The following RASL12 variants were observed in gnomAD, a reference collection of about 807,000 sequenced individuals.
RASL12 encodes RAS like family 12, also known as ras-like protein family member 12.
A neutral mutation model predicts 22.9 loss-of-function variants in RASL12; 16 were observed. That is an observed-to-expected ratio of 0.70 (90% CI 0.47 to 1.06). The LOEUF (loss-of-function observed/expected upper bound fraction) is 1.06, where lower values mean the gene tolerates loss of function less well. RASL12 is among the 50% of genes least tolerant of loss of function. RASL12 has a pLI of 0.00. For synonymous variants in RASL12, 159 were observed against 152.2 expected, an observed-to-expected ratio of 1.04 and a Z score of -0.33; for missense variants, 306 against 353.1, an observed-to-expected ratio of 0.87 and a Z score of 1.07.
chr15:65,046,744 C>T, the RASL12 span, among the ~76,000 whole-genome samples: 24 of 152,148 alleles, frequency 1.6e-4, no homozygotes, highest in African/African-American at 5.5e-4. Context: ...GAAACCCCAT[C>T]GCTACAAAAA....
chr15:65,062,140 A>T (rs1055083335), intron 2 of RASL12, among the ~76,000 whole-genome samples: 5 of 151,808 alleles, frequency 3.3e-5, no homozygotes, highest in Non-Finnish European at 7.4e-5. Context: ...AGAAGCTGAC[A>T]TTCTTCCCTG....
chr15:65,050,465 G>T (rs751626976), downstream of RASL12, among the ~76,000 whole-genome samples: 1 of 152,230 alleles, frequency 6.6e-6, no homozygotes, highest in Non-Finnish European at 1.5e-5. Context: ...CGCATAGTGC[G>T]TTGGTGATGA....
downstream of RASL12, chr15:65,052,963 C>A (rs776952059): frequency 4.4e-5 from 70 of 1,607,458 alleles, no homozygotes; most frequent in East Asian, 4.5e-4. Context: ...CCTGTCCCCC[C>A]AGAAAAGAAA....
downstream of RASL12, chr15:65,051,724 C>A: frequency 3.6e-6 from 3 of 822,426 alleles, no homozygotes; most frequent in Non-Finnish European, 5.9e-6. Flanking sequence ...TTTGGGACAG[C>A]AAAATTCAGC....
Position 65,058,436 on chromosome 15 carries a change from G to C in RASL12, c.416C>G (p.Ala139Gly), listed in dbSNP as rs922961269. ...AGCAGGCTGTGCTCACCTGTACTGA[G>C]CCATGTCCAGCTTGTTGCCCAGCAG... Reference protein sequence around the residue: ...ALLLGNKLDMAQYRQVTKAEG... With the variant: ...ALLLGNKLDMGQYRQVTKAEG... The change falls in exon 4 of 5, where the codon GCT (alanine) becomes GGT (glycine). Residue 139 changes from alanine (A) to glycine (G), a missense_variant. Physicochemically the swap from Ala to Gly is moderately conservative, Grantham distance 60. Transcript: ENST00000220062. The C allele has an allele frequency of 6.4e-7, 1 of 1,562,656 alleles. No individual in the cohort carries two copies. The highest frequency in any genetic ancestry group is 2.3e-5 in the East Asian group (1 of 43,720).
downstream of RASL12, chr15:65,051,400 C>A (rs1186803262): frequency 2.1e-6 from 2 of 935,940 alleles, no homozygotes; most frequent in African/African-American, 3.3e-5. Context: ...TTAGGGTCTC[C>A]ACGCAAAGGA....
chr15:65,072,512 C>A (rs971075030), upstream of RASL12, among the ~76,000 whole-genome samples: 1 of 152,214 alleles, frequency 6.6e-6, no homozygotes, highest in East Asian at 1.9e-4. Context: ...AGAAGGCCTG[C>A]AGGTAAGGAT....
intron 2 of RASL12, among the ~76,000 whole-genome samples, chr15:65,061,655 T>G (rs1291797724): frequency 6.6e-6 from 1 of 152,162 alleles, no homozygotes; most frequent in Non-Finnish European, 1.5e-5. Flanking sequence ...TTCCCAAAGT[T>G]TTGAATTTGC....
chr15:65,074,511 A>G (rs1218335173), intron 1 of RASL12, among the ~76,000 whole-genome samples: 1 of 151,878 alleles, frequency 6.6e-6, no homozygotes, highest in Admixed American at 6.6e-5. Flanking sequence ...CTCGTGCCTC[A>G]GCCTCATAAA....
chr15:65,074,504 G>A lies in RASL12; in HGVS notation c.70+2025C>T, dbSNP rs1302523240. Among the ~76,000 whole-genome samples the A allele has an allele frequency of 2.6e-5, 4 of 151,778 alleles. No homozygotes were observed. The East Asian group carries it at 5.8e-4, about 22-fold the overall frequency. On this transcript the variant is annotated intron_variant, in intron 1 of 4. Coordinates refer to the RASL12 transcript ENST00000434605. Reference sequence around the variant, plus strand: ...AGCCTCCCGAGTTCAAGCTGTTCTCGTGCCTCAGCCTCATAAAGTAGCTGG... The same window carrying A: ...AGCCTCCCGAGTTCAAGCTGTTCTCATGCCTCAGCCTCATAAAGTAGCTGG...
intron 4 of RASL12, among the ~76,000 whole-genome samples, chr15:65,057,414 G>A (rs1228893584): frequency 6.6e-6 from 1 of 152,238 alleles, no homozygotes; most frequent in Non-Finnish European, 1.5e-5. Context: ...TCAGGGCCAG[G>A]CGGGCAACTT....
intron 1 of RASL12, among the ~76,000 whole-genome samples, chr15:65,075,334 G>C (rs868224075): frequency 2.6e-5 from 4 of 152,322 alleles, no homozygotes; most frequent in Middle Eastern, 6.8e-3. Context: ...TGTGCGGCCC[G>C]AGCCTCCCCG....
At chr15:65,046,021 C>T in the RASL12 span, among the ~76,000 whole-genome samples, 583 of 152,258 alleles carry the variant, frequency 3.8e-3, 2 homozygotes, top group Admixed American at 0.011. Context: ...CAAAATTGGC[C>T]GGGTGCGGTG....
chr15:65,050,139 G>A (rs1179816263), downstream of RASL12: 4 of 1,506,166 alleles, frequency 2.7e-6, no homozygotes, highest in African/African-American at 1.4e-5. Context: ...GTGGGGGTGT[G>A]CCCCTCAACA....
chr15:65,066,228 AAGAC>A (rs1275295791), intron 1 of RASL12, among the ~76,000 whole-genome samples: 3 of 151,970 alleles, frequency 2.0e-5, no homozygotes, highest in Admixed American at 6.6e-5. Context: ...GAAAGAAACA[AAGAC>A]AGAAAGATAG....
At chr15:65,068,187 C>T (rs991230519), upstream of RASL12, 52 of 998,016 alleles carry the variant, frequency 5.2e-5, no homozygotes, top group Middle Eastern at 3.0e-3. This position sits in a 1 kb window ranked among gnomAD's most constrained non-coding sequence, Gnocchi z 4.2. Context: ...CCCTCCCGAG[C>T]GCCCCCAAAC....
At position 65,054,323 on chromosome 15, in the gene RASL12, T is replaced by C. The variant is rs2086697771; in HGVS notation, c.*576A>G. Reference sequence around the variant, plus strand: ...TACCCCTTCCTGGGGCTTCTGTCCATTGGATTATTTTAACTAGATTTTCCT... The same window carrying C: ...TACCCCTTCCTGGGGCTTCTGTCCACTGGATTATTTTAACTAGATTTTCCT... On this transcript the variant is annotated 3_prime_UTR_variant, in exon 5 of 5. Coordinates refer to ENST00000220062, the MANE Select transcript of RASL12 (RefSeq NM_016563.4). 2.0e-6 allele frequency: 2 copies of C among 985,720 alleles called. No individual in the cohort carries two copies. The highest frequency in any genetic ancestry group is 2.4e-6 in the Non-Finnish European group (2 of 830,136). 61.1% of individuals were successfully genotyped at this position (985,720 alleles called of 1,614,324 possible). A position where few individuals can be genotyped will look rare whatever the true frequency, so the allele number is the denominator to read the frequency against.
chr15:65,056,191 C>T (rs1173866028), intron 4 of RASL12, among the ~76,000 whole-genome samples: 1 of 152,292 alleles, frequency 6.6e-6, no homozygotes, highest in East Asian at 1.9e-4. Flanking sequence ...TGACCTACTG[C>T]TGAGCTGTCC....
chr15:65,057,194 C>T (rs2086743148), intron 4 of RASL12, among the ~76,000 whole-genome samples: 1 of 152,184 alleles, frequency 6.6e-6, no homozygotes, highest in South Asian at 2.1e-4. Context: ...CTGACCCGTT[C>T]TAAACAAAGG....
Sources: allele counts gnomAD v4.1 joint callset (sites outside exome capture counted in the v4.1 genomes callset), GRCh38; gene constraint gnomAD v4.1.1; non-coding constraint Gnocchi (gnomAD v3.1); transcripts MANE v1.5; gene names NCBI Gene and HGNC (gene_info 2026-07-23, HGNC 2026-07-21).